The following CFDP1 variants were observed in gnomAD, a reference collection of about 807,000 sequenced individuals.
CFDP1 encodes the protein heterochromatin-stabilizing protein CFDP1.
A neutral mutation model predicts 40.1 loss-of-function variants in CFDP1; 31 were observed. That is an observed-to-expected ratio of 0.77 (90% CI 0.58 to 1.04). The LOEUF (loss-of-function observed/expected upper bound fraction) is 1.04, where lower values mean the gene tolerates loss of function less well. Among genes scored for constraint, CFDP1 ranks in the 50% least tolerant of loss-of-function variants. The probability of loss-of-function intolerance (pLI) is 0.00; values close to 1 mark genes in which losing one functional copy is unlikely to be tolerated. For missense variants in CFDP1, 423 were observed against 343.4 expected (o/e 1.23, Z -1.83); for synonymous variants, 167 against 120.0 (o/e 1.39, Z -2.56).
At chr16:75,294,515 A>G (rs2078168161) in intron 6 of CFDP1, among the ~76,000 whole-genome samples, 1 of 152,188 alleles carries the variant, frequency 6.6e-6, no homozygotes, top group Admixed American at 6.5e-5. Context: ...AAAACATGAA[A>G]AGGGGGCATG....
chr16:75,323,185 T>G (rs1045490929), intron 5 of CFDP1, among the ~76,000 whole-genome samples: 2 of 152,040 alleles, frequency 1.3e-5, no homozygotes, highest in African/African-American at 4.8e-5. Flanking sequence ...GTAAGGTTTT[T>G]TTCTATTTTA....
At chr16:75,421,520 A>G (rs1358209679) in intron 1 of CFDP1, among the ~76,000 whole-genome samples, 1 of 152,228 alleles carries the variant, frequency 6.6e-6, no homozygotes, top group Non-Finnish European at 1.5e-5. Flanking sequence ...AAAAGGAACA[A>G]ATCTTGTCCA....
intron 1 of CFDP1, among the ~76,000 whole-genome samples, chr16:75,428,363 C>A (rs1650453630): frequency 6.6e-6 from 1 of 152,110 alleles, no homozygotes; most frequent in Non-Finnish European, 1.5e-5. Context: ...CACCTGTAAT[C>A]CCAGCACTTT....
At chr16:75,397,814 T>A (rs569279731) in intron 4 of CFDP1, among the ~76,000 whole-genome samples, 23 of 151,824 alleles carry the variant, frequency 1.5e-4, no homozygotes, top group East Asian at 3.9e-4. Context: ...AAAAAATAAA[T>A]AAATAAATAA....
At chr16:75,386,375 C>G (rs766108839) in intron 5 of CFDP1, among the ~76,000 whole-genome samples, 1 of 152,088 alleles carries the variant, frequency 6.6e-6, no homozygotes, top group Non-Finnish European at 1.5e-5. Context: ...GTATTCAATC[C>G]GAACTGACAG....
At chr16:75,313,501 G>T (rs976958351) in intron 5 of CFDP1, among the ~76,000 whole-genome samples, 1 of 152,168 alleles carries the variant, frequency 6.6e-6, no homozygotes, top group Non-Finnish European at 1.5e-5. Flanking sequence ...GCTAATTTAT[G>T]TATTTTTAGT....
chr16:75,395,151 C>G lies in CFDP1; in HGVS notation c.589G>C (p.Glu197Gln). The change falls in exon 5 of 7, where the codon GAG becomes CAG. Residue 197 changes from glutamate (E) to glutamine (Q), a missense_variant. By Grantham distance (29) the Glu-to-Gln change is conservative. Coordinates refer to ENST00000283882, the MANE Select transcript of CFDP1 (RefSeq NM_006324.3). The part of the protein sequence containing the change: ...KEAKSFFKQN[E>Q]KEKPQANVPS... ...ACATTAGCCTGTGGTTTTTCTTTCT[C>G]ATTCTGCTTGAAGAAGGATTTGGCC... is the stretch of plus-strand genomic sequence containing the variant. 1 of 1,613,846 alleles carries G rather than the reference C, an allele frequency of 6.2e-7. No individual in the cohort carries two copies. Among genetic ancestry groups the G allele is most frequent in the Non-Finnish European group, 8.5e-7 (1 of 1,179,872 alleles).
chr16:75,418,121 T>C (rs952103885), intron 1 of CFDP1, among the ~76,000 whole-genome samples: 4 of 151,666 alleles, frequency 2.6e-5, no homozygotes, highest in African/African-American at 9.7e-5. Context: ...GGTGTGGTGA[T>C]GCATGCCTGT....
intron 5 of CFDP1, among the ~76,000 whole-genome samples, chr16:75,339,868 TA>T (rs2078514688): frequency 6.6e-6 from 1 of 152,176 alleles, no homozygotes; most frequent in East Asian, 1.9e-4. Context: ...CCAAGGATCT[TA>T]TAGTGGAAGA....
chr16:75,430,404 CA>C (rs1009850765), intron 1 of CFDP1, among the ~76,000 whole-genome samples: 8 of 152,210 alleles, frequency 5.3e-5, no homozygotes, highest in Non-Finnish European at 1.2e-4. Context: ...CTCCTGACCT[CA>C]GGCAATCCGC....
At chr16:75,376,330 G>T (rs1328291131) in intron 5 of CFDP1, among the ~76,000 whole-genome samples, 2 of 152,106 alleles carry the variant, frequency 1.3e-5, no homozygotes, top group Non-Finnish European at 1.5e-5. Context: ...TCTTCAAAAA[G>T]ATTTGGAAAT....
chr16:75,357,912 T>G (rs1204946945), intron 5 of CFDP1, among the ~76,000 whole-genome samples: 1 of 152,236 alleles, frequency 6.6e-6, no homozygotes, highest in Non-Finnish European at 1.5e-5. Context: ...CTTACTAACC[T>G]TAAATCATTT....
chr16:75,309,303 C>A (rs565222983), intron 5 of CFDP1, among the ~76,000 whole-genome samples: 141 of 152,264 alleles, frequency 9.3e-4, no homozygotes, highest in African/African-American at 3.1e-3. Flanking sequence ...GTACATGAAC[C>A]AGGCTTTCAG....
At chr16:75,325,569 C>G (rs999439413) in intron 5 of CFDP1, among the ~76,000 whole-genome samples, 1 of 152,130 alleles carries the variant, frequency 6.6e-6, no homozygotes, top group Non-Finnish European at 1.5e-5. Flanking sequence ...TATGTTTATT[C>G]TTTTACTGTC....
chr16:75,366,221 T>C (rs2078712605), intron 5 of CFDP1, among the ~76,000 whole-genome samples: 1 of 152,220 alleles, frequency 6.6e-6, no homozygotes, highest in East Asian at 1.9e-4. Flanking sequence ...GAATTATTGA[T>C]ATATACTACA....
At chr16:75,303,144 G>T (rs1239502373) in intron 6 of CFDP1, among the ~76,000 whole-genome samples, 2 of 145,878 alleles carry the variant, frequency 1.4e-5, no homozygotes, top group Non-Finnish European at 3.0e-5. Context: ...AGGTTGCAGT[G>T]ACCCAAGATC....
rs186517688 is a variant in CFDP1, at chr16:75,389,763, A to C, written c.650+5327T>G. Among the ~76,000 whole-genome samples, 3 of 152,368 alleles carry C rather than the reference A, an allele frequency of 2.0e-5. No homozygotes were observed. The East Asian group carries it at 5.8e-4, about 29-fold the overall frequency. On this transcript the variant is annotated intron_variant, in intron 5 of 6. Transcript: ENST00000283882. The stretch of plus-strand genomic sequence containing the variant: ...GATCCTTCCCTTGAAAAGACTTTCT[A>C]TACTCTGCAAATGGAGTCTGCTGAC...
At chr16:75,393,876 A>G (rs1019272898) in intron 5 of CFDP1, among the ~76,000 whole-genome samples, 20 of 151,816 alleles carry the variant, frequency 1.3e-4, no homozygotes, top group African/African-American at 4.6e-4. Flanking sequence ...TGGCTAACAC[A>G]GTGAAACCTC....
chr16:75,378,008 T>C (rs981952284), intron 5 of CFDP1, among the ~76,000 whole-genome samples: 2 of 152,188 alleles, frequency 1.3e-5, no homozygotes, highest in Non-Finnish European at 2.9e-5. Context: ...CCAGCATCTA[T>C]GGTAGAAAAC....
Sources: gnomAD v4.1 joint callset for allele counts (sites outside exome capture counted in the v4.1 genomes callset) on GRCh38, gnomAD v4.1.1 for gene constraint, MANE v1.5 for transcripts, NCBI Gene and HGNC (gene_info 2026-07-23, HGNC 2026-07-21) for gene names.